The following ZNF804A variants were observed in gnomAD, a reference collection of about 807,000 sequenced individuals.
The protein encoded by ZNF804A is zinc finger protein 804A.
A neutral mutation model predicts 16.5 loss-of-function variants in ZNF804A; 2 were observed. The ratio of observed to expected loss-of-function variants is 0.12; its 90% CI spans 0.05 to 0.38. ZNF804A has a LOEUF of 0.38. Ranked by LOEUF, ZNF804A falls within the 10% of genes least tolerant of loss-of-function variation. ZNF804A has a pLI of 0.99. For synonymous variants in ZNF804A, 534 were observed against 489.6 expected (o/e 1.09, Z -1.20); for missense variants, 1,473 against 1,390.7 (o/e 1.06, Z -0.94).
intron 1 of ZNF804A, among the ~76,000 whole-genome samples, chr2:184,758,174 G>T (rs980832297): frequency 1.3e-5 from 2 of 151,892 alleles, no homozygotes. Context: ...GATTCTTAAA[G>T]AATTGAATGG....
chr2:184,677,707 G>C (rs918726897), intron 1 of ZNF804A, among the ~76,000 whole-genome samples: 6 of 151,848 alleles, frequency 4.0e-5, no homozygotes, highest in Non-Finnish European at 7.4e-5. Flanking sequence ...TAATATCAAA[G>C]TTATATTACT....
At chr2:184,909,620 A>G (rs1251290508) in intron 2 of ZNF804A, among the ~76,000 whole-genome samples, 1 of 152,044 alleles carries the variant, frequency 6.6e-6, no homozygotes, top group East Asian at 1.9e-4. Flanking sequence ...TTCTTAAATC[A>G]TAATTTTGAA....
At chr2:184,606,754 G>A (rs1217970422) in intron 1 of ZNF804A, among the ~76,000 whole-genome samples, 1 of 151,918 alleles carries the variant, frequency 6.6e-6, no homozygotes, top group Non-Finnish European at 1.5e-5. Context: ...CCAGCCTGTA[G>A]GACCTGCCTT....
At position 184,630,296 on chromosome 2, in the gene ZNF804A, A is replaced by C. The variant is rs537299422; in HGVS notation, c.111+31226A>C. ...CGGAAATTTGGATACGGAAGTCCAG[A>C]GAGAGACTATGACCTGTCCAAGGTC... On this transcript the variant is annotated intron_variant, in intron 1 of 3. Coordinates refer to ENST00000302277, the MANE Select transcript of ZNF804A (RefSeq NM_194250.2). Among the ~76,000 whole-genome samples, 24 of 152,288 alleles carry C rather than the reference A, an allele frequency of 1.6e-4. No individual in the cohort carries two copies. In the Middle Eastern group the frequency reaches 0.01, roughly 65 times the overall value.
Position 184,813,993 on chromosome 2 carries a change from C to CTTTTTTTTTTTTTTTTTTTTTTTTTTTT in ZNF804A, c.112-52375_112-52348dup, listed in dbSNP as rs1163432699. On this transcript the variant is annotated intron_variant, in intron 1 of 3. Coordinates refer to ENST00000302277, the MANE Select transcript of ZNF804A (RefSeq NM_194250.2). ...TTTAGGGCATGTTTGAGAAAGGCAGCTTTTTTTTTTTTTTTTTTTTTTTTT... is the reference window on the plus strand; with the variant it reads ...TTTAGGGCATGTTTGAGAAAGGCAGCTTTTTTTTTTTTTTTTTTTTTTTTTTTTTTTTTTTTTTTTTTTTTTTTTTTTT... Among the ~76,000 whole-genome samples, 2 of 49,186 alleles carry CTTTTTTTTTTTTTTTTTTTTTTTTTTTT rather than the reference C, an allele frequency of 4.1e-5. 1 individual carries two copies. 32.3% of individuals were successfully genotyped at this position (49,186 alleles called of 152,430 possible).
Position 184,939,006 on chromosome 2 carries a change from C to A in ZNF804A, c.3610C>A (p.Pro1204Thr). Residue 1204 changes from proline to threonine, a missense_variant, in exon 4 of 4, where the codon CCT becomes ACT. Transcript: ENST00000302277. ...GCTTTCCCCACACCCTACTGTCATCCCTTTGCAACCTCTCTTCTAGTCATC... is the reference window on the plus strand; with the variant it reads ...GCTTTCCCCACACCCTACTGTCATCACTTTGCAACCTCTCTTCTAGTCATC... ...SLLSPHPTVIPLQPLF is the reference protein window; with the variant it reads ...SLLSPHPTVITLQPLF The A allele has an allele frequency of 6.2e-7, 1 of 1,613,782 alleles. No individual in the cohort carries two copies. The highest frequency in any genetic ancestry group is 8.5e-7 in the Non-Finnish European group (1 of 1,179,800).
At chr2:184,844,112 A>C (rs1443811116) in intron 1 of ZNF804A, among the ~76,000 whole-genome samples, 1 of 152,076 alleles carries the variant, frequency 6.6e-6, no homozygotes, top group Non-Finnish European at 1.5e-5. Flanking sequence ...GTCCACCATG[A>C]TACAACACTA....
chr2:184,733,901 T>G (rs991229785), intron 1 of ZNF804A, among the ~76,000 whole-genome samples: 16 of 150,092 alleles, frequency 1.1e-4, no homozygotes, highest in African/African-American at 3.4e-4. Flanking sequence ...TTGTGTGCAC[T>G]TTTTTTTTTC....
intron 1 of ZNF804A, among the ~76,000 whole-genome samples, chr2:184,667,981 T>C (rs1692277724): frequency 6.6e-6 from 1 of 151,790 alleles, no homozygotes; most frequent in South Asian, 2.1e-4. Context: ...ATCTCTTGGA[T>C]TGAAAACTAA....
At chr2:184,859,489 T>C (rs947982063) in intron 1 of ZNF804A, among the ~76,000 whole-genome samples, 1 of 152,142 alleles carries the variant, frequency 6.6e-6, no homozygotes, top group Admixed American at 6.6e-5. Flanking sequence ...TTTTGGGTCA[T>C]TTATTGTCTT....
intron 1 of ZNF804A, among the ~76,000 whole-genome samples, chr2:184,764,385 T>C (rs1350421821): frequency 2.6e-5 from 4 of 152,188 alleles, no homozygotes; most frequent in African/African-American, 9.6e-5. Context: ...CACGTTTCAG[T>C]ATTTTGTATT....
intron 1 of ZNF804A, among the ~76,000 whole-genome samples, chr2:184,605,595 A>G (rs1691133422): frequency 6.6e-6 from 1 of 152,132 alleles, no homozygotes; most frequent in South Asian, 2.1e-4. Flanking sequence ...ATACAGTATA[A>G]CAACAGTTTA....
chr2:184,647,388 TC>T (rs1691895869), intron 1 of ZNF804A, among the ~76,000 whole-genome samples: 1 of 152,132 alleles, frequency 6.6e-6, no homozygotes, highest in Non-Finnish European at 1.5e-5. Flanking sequence ...CTTACAGTGG[TC>T]CCTAACCAAA....
chr2:184,917,794 TAC>T (rs148689593), intron 2 of ZNF804A, among the ~76,000 whole-genome samples: 18,077 of 142,194 alleles, frequency 0.13, 1,556 homozygotes, highest in African/African-American at 0.26. Context: ...AACTAGCACA[TAC>T]ACACACACAC....
chr2:184,674,270 G>A (rs989889510), intron 1 of ZNF804A, among the ~76,000 whole-genome samples: 2 of 151,708 alleles, frequency 1.3e-5, no homozygotes, highest in African/African-American at 4.8e-5. Flanking sequence ...CTTTTAATTG[G>A]TTGGCTTCAG....
At chr2:184,673,916 AT>A (rs1353513048) in intron 1 of ZNF804A, among the ~76,000 whole-genome samples, 1 of 152,182 alleles carries the variant, frequency 6.6e-6, no homozygotes, top group Admixed American at 6.5e-5. Context: ...GAATAATTCC[AT>A]TCTAAAAATC....
chr2:184,921,652 T>C (rs762157107), intron 2 of ZNF804A, among the ~76,000 whole-genome samples: 2 of 152,170 alleles, frequency 1.3e-5, no homozygotes, highest in Non-Finnish European at 2.9e-5. Context: ...TTACTTTTAT[T>C]TTTAAATGTA....
At chr2:184,678,878 A>G (rs1441995076) in intron 1 of ZNF804A, among the ~76,000 whole-genome samples, 1 of 152,220 alleles carries the variant, frequency 6.6e-6, no homozygotes, top group Non-Finnish European at 1.5e-5. Flanking sequence ...GACAGAAAAA[A>G]TATCTTAGTG....
intron 1 of ZNF804A, among the ~76,000 whole-genome samples, chr2:184,657,469 T>C (rs1188049289): frequency 6.6e-6 from 1 of 152,180 alleles, no homozygotes; most frequent in Non-Finnish European, 1.5e-5. Context: ...TGCCCTACTT[T>C]TGGGGCTTTT....
Sources: allele counts gnomAD v4.1 joint callset (sites outside exome capture counted in the v4.1 genomes callset), GRCh38; gene constraint gnomAD v4.1.1; transcripts MANE v1.5; gene names NCBI Gene and HGNC (gene_info 2026-07-23, HGNC 2026-07-21).